The following TOPAZ1 variants were observed in gnomAD, a reference collection of about 807,000 sequenced individuals.
TOPAZ1 encodes testis and ovary specific TOPAZ 1.
In TOPAZ1, 66 loss-of-function variants were observed where a neutral mutation model predicts 172.2. That is an observed-to-expected ratio of 0.38 (90% CI 0.31 to 0.47). The LOEUF is 0.47. TOPAZ1 is among the 20% of genes least tolerant of loss of function. The pLI is 0.99. For synonymous variants in TOPAZ1, 681 were observed against 683.9 expected (o/e 1.00, Z 0.07); for missense variants, 1,822 against 1,972.4 (o/e 0.92, Z 1.44).
intron 7 of TOPAZ1, 135 bp downstream of exon 7, chr3:44,269,436 A>G (rs929597802): frequency 2.8e-4 from 121 of 431,658 alleles, no homozygotes; most frequent in Admixed American, 5.1e-4. Context: ...TTATAAACCA[A>G]TACTTTGGAC....
intron 12 of TOPAZ1, among the ~76,000 whole-genome samples, chr3:44,299,867 C>T (rs1250182047): frequency 1.4e-5 from 2 of 144,842 alleles, no homozygotes; most frequent in African/African-American, 5.1e-5. Context: ...AAACCAAACA[C>T]CGCATATTCT....
At chr3:44,278,045 G>A (rs1699983212) in intron 8 of TOPAZ1, among the ~76,000 whole-genome samples, 1 of 152,110 alleles carries the variant, frequency 6.6e-6, no homozygotes, top group Admixed American at 6.5e-5. Context: ...CTATATTGAG[G>A]TGTATTCCTC....
downstream of TOPAZ1, among the ~76,000 whole-genome samples, chr3:44,334,833 T>C (rs1216359098): frequency 2.6e-5 from 4 of 152,136 alleles, no homozygotes; most frequent in Non-Finnish European, 5.9e-5. Context: ...GACTCCTCCT[T>C]ATTCAGCTAG....
chr3:44,274,341 C>T (rs1229488197), intron 8 of TOPAZ1, among the ~76,000 whole-genome samples: 4 of 150,450 alleles, frequency 2.7e-5, no homozygotes, highest in Non-Finnish European at 5.9e-5. Flanking sequence ...GTGGAGGTTG[C>T]AGTGAGGCGA....
At position 44,243,940 on chromosome 3, in the gene TOPAZ1, G is replaced by T. The variant is rs1218445923; in HGVS notation, c.1434G>T (p.Leu478Phe). 6.4e-7 allele frequency: 1 copy of T among 1,552,212 alleles called. No homozygotes were observed. Among genetic ancestry groups the T allele is most frequent in the Non-Finnish European group, 8.7e-7 (1 of 1,147,096 alleles). Residue 478 changes from leucine (L) to phenylalanine (F), a missense_variant, in exon 2 of 20, where the codon TTG becomes TTT. This residue lies in a region of TOPAZ1 where 1,489 missense variants were observed against 1,490.8 expected (regional missense o/e 1.00). Transcript: ENST00000309765. ...REDLRSASEE[L>F]KLSCQRTIPM... is the part of the protein sequence containing the mutation. ...ACTTAAGAAGTGCATCTGAAGAATTGAAGTTAAGCTGTCAGAGAACAATAC... is the reference window on the plus strand; with the variant it reads ...ACTTAAGAAGTGCATCTGAAGAATTTAAGTTAAGCTGTCAGAGAACAATAC...
In TOPAZ1 at chr3:44,269,264, A is replaced by G; in HGVS notation, c.3209A>G (p.Glu1070Gly). 1 of 1,550,072 alleles carries G rather than the reference A, an allele frequency of 6.5e-7. No individual in the cohort carries two copies. Among genetic ancestry groups the G allele is most frequent in the Non-Finnish European group, 8.7e-7 (1 of 1,145,638 alleles). Residue 1070 changes from glutamate to glycine, a missense_variant, in exon 7 of 20, where the codon GAA becomes GGA. Physicochemically the swap from Glu to Gly is moderately conservative, Grantham distance 98. Around this residue, in one of 2 missense-constraint regions of TOPAZ1, gnomAD observed 1,489 missense variants for 1,490.8 expected, o/e 1.00. Transcript: ENST00000309765. ...TCTGTCCTAAAGCTGCAGAATCCTG[A>G]AACTTGTGAAATATTCAAGAGGGAA... ...KHSVLKLQNP[E>G]TCEIFKREKN...
chr3:44,326,664 C>T (rs1008661815), intron 18 of TOPAZ1, among the ~76,000 whole-genome samples: 5 of 152,136 alleles, frequency 3.3e-5, no homozygotes, highest in Non-Finnish European at 7.4e-5. Flanking sequence ...TCATGCCAGA[C>T]TAATCAGGAG....
At chr3:44,254,129 T>G (rs1699666868) in intron 2 of TOPAZ1, among the ~76,000 whole-genome samples, 1 of 152,216 alleles carries the variant, frequency 6.6e-6, no homozygotes, top group African/African-American at 2.4e-5. Context: ...ACAGATATGG[T>G]TAAACTTAAA....
chr3:44,282,855 C>G (rs1420234748), intron 9 of TOPAZ1, among the ~76,000 whole-genome samples: 1 of 152,034 alleles, frequency 6.6e-6, no homozygotes, highest in East Asian at 1.9e-4. Context: ...AAGGAAACAC[C>G]TAATGGAATT....
chr3:44,289,434 A>G (rs796537031), intron 11 of TOPAZ1, among the ~76,000 whole-genome samples: 91 of 152,318 alleles, frequency 6.0e-4, no homozygotes, highest in African/African-American at 1.9e-3. Context: ...GAGCTTAAGG[A>G]TTAGAGCCTA....
chr3:44,296,475 G>T (rs1220809656), intron 12 of TOPAZ1, among the ~76,000 whole-genome samples: 2 of 150,782 alleles, frequency 1.3e-5, no homozygotes, highest in Non-Finnish European at 2.9e-5. Flanking sequence ...AATGAGACCA[G>T]GGTTATCAGT....
intron 11 of TOPAZ1, among the ~76,000 whole-genome samples, chr3:44,290,413 C>T (rs1268774153): frequency 1.3e-5 from 2 of 151,908 alleles, no homozygotes; most frequent in African/African-American, 4.8e-5. Context: ...TGGCCATGGC[C>T]CTATGTGAGG....
intron 9 of TOPAZ1, among the ~76,000 whole-genome samples, chr3:44,284,436 C>T (rs1188089480): frequency 1.3e-5 from 2 of 152,154 alleles, no homozygotes; most frequent in Non-Finnish European, 2.9e-5. Flanking sequence ...CATATTGTAA[C>T]GTGTATCAGA....
At position 44,322,954 on chromosome 3, in the gene TOPAZ1, T is replaced by A. The variant is rs1700557273; in HGVS notation, c.4472-138T>A. 6 of 534,038 alleles carry A rather than the reference T, an allele frequency of 1.1e-5. No individual in the cohort carries two copies. In the South Asian group the frequency reaches 1.8e-4, roughly 16 times the overall value. 33.1% of individuals were successfully genotyped at this position (534,038 alleles called of 1,614,324 possible). Reference sequence around the variant, plus strand: ...AGAAAAATAAAGAGAATATATAAAATGATTGCATTTTAGTGACTGTGAGTC... The same window carrying A: ...AGAAAAATAAAGAGAATATATAAAAAGATTGCATTTTAGTGACTGTGAGTC... On this transcript the variant is annotated intron_variant, in intron 17 of 19. Transcript: ENST00000309765.
At position 44,242,456 on chromosome 3, in the gene TOPAZ1, C is replaced by T. The variant is rs145719527; in HGVS notation, c.346+57C>T. On this transcript the variant is annotated intron_variant, in intron 1 of 19. Transcript: ENST00000309765. ...GCCCTTGTACCTCAGCGTGCTCCAT[C>T]TTTGTTTTACCACTAGTCTTTAACT... is the stretch of plus-strand genomic sequence containing the variant. 1,999 of 1,506,452 alleles carry T rather than the reference C, an allele frequency of 1.3e-3. 23 individuals are homozygous for T. In the African/African-American group the frequency reaches 0.025, roughly 19 times the overall value. 93.3% of individuals were successfully genotyped at this position (1,506,452 alleles called of 1,614,324 possible).
chr3:44,259,281 T>C (rs1699749302), intron 4 of TOPAZ1, among the ~76,000 whole-genome samples: 1 of 152,182 alleles, frequency 6.6e-6, no homozygotes, highest in Non-Finnish European at 1.5e-5. Context: ...TCTCCAGGCT[T>C]TTCAGGTAGT....
intron 7 of TOPAZ1, 43 bp from the exon 8 acceptor site, chr3:44,270,642 G>A: frequency 6.8e-7 from 1 of 1,479,918 alleles, no homozygotes; most frequent in East Asian, 2.5e-5. Context: ...TATAGTAAGT[G>A]CTTTACAGTT....
chr3:44,318,936 C>G (rs771577177), intron 16 of TOPAZ1, among the ~76,000 whole-genome samples: 1 of 151,442 alleles, frequency 6.6e-6, no homozygotes, highest in African/African-American at 2.4e-5. Flanking sequence ...ACAAACTGAT[C>G]GGCTGACAAA....
rs578259782 is a variant in TOPAZ1 at position 44,244,187 on chromosome 3, A to G, written c.1681A>G (p.Ser561Gly). The change falls in exon 2 of 20, where the codon AGT becomes GGT. Residue 561 changes from serine to glycine, a missense_variant. This residue lies in a region of TOPAZ1 where 1,489 missense variants were observed against 1,490.8 expected (regional missense o/e 1.00). Coordinates refer to ENST00000309765, the MANE Select transcript of TOPAZ1 (RefSeq NM_001145030.2). ...AACAGAAACAAACACTGAATCTTCA[A>G]GTAAAGAAAAATTAGATTCTAATTC... The part of the protein sequence containing the change: ...SLTETNTESS[S>G]KEKLDSNSNC... 9.7e-5 allele frequency: 151 copies of G among 1,550,464 alleles called. 1 individual carries two copies. The South Asian group carries it at 1.4e-3, about 15-fold the overall frequency.
Sources: gnomAD v4.1 joint callset for allele counts (sites outside exome capture counted in the v4.1 genomes callset) on GRCh38, gnomAD v4.1.1 for gene constraint, gnomAD v4.1.1 regional missense constraint, MANE v1.5 for transcripts, NCBI Gene and HGNC (gene_info 2026-07-23, HGNC 2026-07-21) for gene names.